Variants in APPBP2 observed in about 807,000 individuals in gnomAD.
APPBP2 encodes amyloid protein-binding protein 2.
APPBP2 carries 15 observed loss-of-function variants against 76.0 expected under a neutral mutation model. The observed-to-expected ratio is 0.20, with a 90% CI of 0.13 to 0.30. The LOEUF (loss-of-function observed/expected upper bound fraction) is 0.30, where lower values mean the gene tolerates loss of function less well. Ranked by LOEUF, APPBP2 falls within the 10% of genes least tolerant of loss-of-function variation. The probability of loss-of-function intolerance (pLI) is 1.00; values close to 1 mark genes in which losing one functional copy is unlikely to be tolerated. For synonymous variants in APPBP2, 222 were observed against 242.2 expected (o/e 0.92, Z 0.77); for missense variants, 401 against 687.2 (o/e 0.58, Z 4.66).
chr17:60,500,490 GAAAT>G lies in APPBP2; in HGVS notation c.139-7_139-4del, dbSNP rs746922873. ...CATAAGCGTCCCTGTTGGTAAAGCTGAAATAAAAAACAAATGATTTAAAAATTTT... is the reference window on the plus strand; with the variant it reads ...CATAAGCGTCCCTGTTGGTAAAGCTGAAAAAACAAATGATTTAAAAATTTT... On this transcript the variant is annotated splice_polypyrimidine_tract_variant and splice_region_variant and intron_variant, in intron 1 of 12. Transcript: ENST00000083182. 14 of 1,586,812 alleles carry G rather than the reference GAAAT, an allele frequency of 8.8e-6. No homozygotes were observed. In the East Asian group the frequency reaches 2.7e-4, roughly 31 times the overall value.
At chr17:60,456,869 C>G (rs1189516413) in intron 9 of APPBP2, among the ~76,000 whole-genome samples, 2 of 152,172 alleles carry the variant, frequency 1.3e-5, no homozygotes, top group African/African-American at 4.8e-5. Flanking sequence ...GGTGCAGTGG[C>G]TCATGCCTGT....
rs1445474805 is a variant in APPBP2, at chr17:60,525,992, C to T, written c.-61G>A. 19 of 1,490,672 alleles carry T rather than the reference C, an allele frequency of 1.3e-5. No homozygotes were observed. In the East Asian group the frequency reaches 3.7e-4, roughly 29 times the overall value. 92.3% of individuals were successfully genotyped at this position (1,490,672 alleles called of 1,614,324 possible). A position where few individuals can be genotyped will look rare whatever the true frequency, so the allele number is the denominator to read the frequency against. ...CCTCCCGAAGGCCCCCACCTCCCTC[C>T]GTAGCGAACCCCTCTGCGGCCCCGG... On this transcript the variant is annotated 5_prime_UTR_variant, in exon 1 of 13. Transcript: ENST00000083182.
intron 3 of APPBP2, among the ~76,000 whole-genome samples, chr17:60,491,981 A>G (rs925963181): frequency 6.6e-6 from 1 of 152,136 alleles, no homozygotes; most frequent in Admixed American, 6.5e-5. Flanking sequence ...GCCTAGGAGG[A>G]AAAAATGGTT....
chr17:60,484,610 T>C (rs563969858), intron 3 of APPBP2, among the ~76,000 whole-genome samples: 2 of 152,308 alleles, frequency 1.3e-5, no homozygotes, highest in African/African-American at 4.8e-5. Flanking sequence ...CTTATCAGCT[T>C]AAGGAGATTT....
intron 2 of APPBP2, among the ~76,000 whole-genome samples, chr17:60,498,497 A>G (rs537198067): frequency 1.3e-5 from 2 of 152,336 alleles, no homozygotes; most frequent in African/African-American, 4.8e-5. Context: ...CAGGGCAGCA[A>G]GAGTTATAAT....
chr17:60,477,696 T>G (rs1324629904), intron 4 of APPBP2, among the ~76,000 whole-genome samples: 1 of 151,586 alleles, frequency 6.6e-6, no homozygotes, highest in African/African-American at 2.4e-5. Context: ...TAATTAAGTT[T>G]GCATATTACA....
In APPBP2 at chr17:60,470,800, T is replaced by C. The variant is rs572140849; in HGVS notation, c.504-4341A>G. On this transcript the variant is annotated intron_variant, in intron 4 of 12. Transcript: ENST00000083182. Reference sequence around the variant, plus strand: ...CCATGTTGGCCAGACTGGATTTTTTTTTTTTTTTGAGATGGGGTCTTGCTC... The same window carrying C: ...CCATGTTGGCCAGACTGGATTTTTTCTTTTTTTTGAGATGGGGTCTTGCTC... Among the ~76,000 whole-genome samples, 173 of 150,530 alleles carry C rather than the reference T, an allele frequency of 1.1e-3. 2 individuals are homozygous for C. The highest frequency in any genetic ancestry group is 3.9e-3 in the African/African-American group (160 of 40,972).
Position 60,526,083 on chromosome 17 carries a change from C to T in APPBP2, c.-152G>A. On this transcript the variant is annotated 5_prime_UTR_variant, in exon 1 of 13. Coordinates refer to ENST00000083182, the MANE Select transcript of APPBP2 (RefSeq NM_006380.5). ...AGAAGGCACGGCCGCCCTGCCTCCT[C>T]CGGGGGCAAACTGAGGGACGGCGGC... is the stretch of plus-strand genomic sequence containing the variant. The T allele has an allele frequency of 1.4e-6, 1 of 699,606 alleles. No individual in the cohort carries two copies. The highest frequency in any genetic ancestry group is 1.9e-5 in the South Asian group (1 of 52,642). 43.3% of individuals were successfully genotyped at this position (699,606 alleles called of 1,614,324 possible).
At chr17:60,483,130 T>C (rs1303600108) in intron 3 of APPBP2, among the ~76,000 whole-genome samples, 5 of 152,188 alleles carry the variant, frequency 3.3e-5, no homozygotes. Context: ...CTAACTGGTG[T>C]GAGATGGTAT....
At chr17:60,514,194 C>G (rs958357311) in intron 1 of APPBP2, among the ~76,000 whole-genome samples, 1 of 151,998 alleles carries the variant, frequency 6.6e-6, no homozygotes, top group African/African-American at 2.4e-5. Context: ...TAAGTCCCAG[C>G]TACTAGGCAG....
intron 5 of APPBP2, chr17:60,465,137 C>T (rs1465474218): frequency 1.3e-5 from 2 of 151,506 alleles, no homozygotes; most frequent in Non-Finnish European, 2.9e-5. Context: ...GTCCAAGAGC[C>T]GGCAGTACTT....
chr17:60,510,211 G>T (rs113633395), intron 1 of APPBP2, among the ~76,000 whole-genome samples: 12,449 of 149,792 alleles, frequency 0.083, 1,689 homozygotes, highest in African/African-American at 0.29. Flanking sequence ...GAGACCAGCC[G>T]GGGCAATGTA....
At chr17:60,456,511 C>T (rs982737809) in intron 9 of APPBP2, 130 bp from the exon 10 acceptor site, 1 of 651,562 alleles carries the variant, frequency 1.5e-6, no homozygotes, top group African/African-American at 1.8e-5. Context: ...AAAGATCCAG[C>T]TTTTTGTTTT....
chr17:60,502,772 G>T (rs1246178254), intron 1 of APPBP2, among the ~76,000 whole-genome samples: 1 of 146,012 alleles, frequency 6.8e-6, no homozygotes, highest in African/African-American at 2.8e-5. Context: ...AGAATCGCTT[G>T]AACTCGTAAG....
intron 5 of APPBP2, chr17:60,464,880 T>C (rs2090499535): frequency 6.6e-6 from 1 of 152,158 alleles, no homozygotes; most frequent in African/African-American, 2.4e-5. Flanking sequence ...TGAGACTTTG[T>C]CTCTATCAAA....
At chr17:60,498,767 G>A (rs1195849793) in intron 2 of APPBP2, among the ~76,000 whole-genome samples, 3 of 152,104 alleles carry the variant, frequency 2.0e-5, no homozygotes, top group Non-Finnish European at 4.4e-5. Context: ...GGGAAGTAGT[G>A]ACTGGAAAAA....
intron 2 of APPBP2, 115 bp downstream of exon 2, chr17:60,500,283 AG>A (rs1383835944): frequency 1.5e-6 from 1 of 680,320 alleles, no homozygotes; most frequent in Admixed American, 3.1e-5. Flanking sequence ...CTGGGATTAC[AG>A]GCGTAAGCCA....
intron 2 of APPBP2, among the ~76,000 whole-genome samples, chr17:60,494,858 C>T (rs980830601): frequency 3.3e-5 from 5 of 151,778 alleles, no homozygotes; most frequent in Admixed American, 1.3e-4. Flanking sequence ...AACTTGATGA[C>T]AAGGAAGGAT....
chr17:60,465,094 T>C (rs1162067877), intron 5 of APPBP2: 1 of 152,210 alleles, frequency 6.6e-6, no homozygotes. Context: ...AATTAAAATA[T>C]GAGAAGTGAA....
Sources: gnomAD v4.1 joint callset for allele counts (sites outside exome capture counted in the v4.1 genomes callset) on GRCh38, gnomAD v4.1.1 for gene constraint, MANE v1.5 for transcripts, NCBI Gene and HGNC (gene_info 2026-07-23, HGNC 2026-07-21) for gene names.